SFMBT2: variants seen among roughly 807,000 people sequenced by gnomAD.
SFMBT2 encodes scm-like with four MBT domains protein 2.
SFMBT2 carries 38 observed loss-of-function variants against 110.1 expected under a neutral mutation model. The ratio of observed to expected loss-of-function variants is 0.35; its 90% CI spans 0.27 to 0.45. The LOEUF (loss-of-function observed/expected upper bound fraction) is 0.45, where lower values mean the gene tolerates loss of function less well. Among genes scored for constraint, SFMBT2 ranks in the 20% least tolerant of loss-of-function variants. The pLI is 1.00. For missense variants in SFMBT2, 1,011 were observed against 1,094.9 expected (o/e 0.92, Z 1.08); for synonymous variants, 425 against 425.4 (o/e 1.00, Z 0.01).
At chr10:7,174,372 T>C (rs1305219510) in intron 17 of SFMBT2, among the ~76,000 whole-genome samples, 4 of 152,102 alleles carry the variant, frequency 2.6e-5, no homozygotes, top group African/African-American at 9.7e-5. Context: ...GGATGAGAAC[T>C]GGTTTTAGGG....
chr10:7,284,532 T>C (rs1463825037), intron 5 of SFMBT2: 1 of 511,882 alleles, frequency 2.0e-6, no homozygotes, highest in Non-Finnish European at 2.6e-6. Context: ...CGGTCTACTT[T>C]TCCAACAGAC....
At chr10:7,391,646 A>T (rs1845769472) in intron 1 of SFMBT2, among the ~76,000 whole-genome samples, 1 of 152,200 alleles carries the variant, frequency 6.6e-6, no homozygotes, top group Admixed American at 6.5e-5. Flanking sequence ...TTCCTATAAG[A>T]GATAGACATG....
chr10:7,370,886 T>C (rs1249835541), intron 2 of SFMBT2: 1 of 741,118 alleles, frequency 1.3e-6, no homozygotes, highest in Non-Finnish European at 1.6e-6. Flanking sequence ...CTCGAGTGTG[T>C]GGGGCCACCC....
intron 1 of SFMBT2, among the ~76,000 whole-genome samples, chr10:7,402,285 C>T (rs1846102759): frequency 6.6e-6 from 1 of 152,092 alleles, no homozygotes; most frequent in African/African-American, 2.4e-5. Flanking sequence ...TGTCCCAGTG[C>T]CAAAAGCTTA....
intron 4 of SFMBT2, among the ~76,000 whole-genome samples, chr10:7,365,702 T>C (rs139091072): frequency 7.0e-4 from 106 of 152,276 alleles, no homozygotes; most frequent in African/African-American, 2.4e-3. Flanking sequence ...GAGGACACTA[T>C]GCTTAAGAGA....
At chr10:7,266,982 T>TTATACC (rs1443307440) in intron 7 of SFMBT2, among the ~76,000 whole-genome samples, 1 of 152,214 alleles carries the variant, frequency 6.6e-6, no homozygotes, top group Admixed American at 6.5e-5. Context: ...TATACCAATC[T>TTATACC]AAAACTTTTC....
At chr10:7,207,627 C>G (rs1303386158) in intron 11 of SFMBT2, 1 of 984,012 alleles carries the variant, frequency 1.0e-6, no homozygotes, top group Admixed American at 6.1e-5. Flanking sequence ...CTGAAGAATT[C>G]TGAATCACAT....
intron 1 of SFMBT2, among the ~76,000 whole-genome samples, chr10:7,394,001 A>ATT (rs199724791): frequency 6.6e-6 from 1 of 150,658 alleles, no homozygotes; most frequent in South Asian, 2.1e-4. Flanking sequence ...AAGTATTGTG[A>ATT]TTTTTTTTTT....
chr10:7,228,715 CTTTCTTTCTTTCTTTCTTTCCTTTCTCT>C (rs1467273470), intron 9 of SFMBT2, among the ~76,000 whole-genome samples: 2 of 132,630 alleles, frequency 1.5e-5, no homozygotes, highest in African/African-American at 6.1e-5. Flanking sequence ...TTCTTTCTTT[CTTTCTTTCTTTCTTTCTTTCCTTTCTCT>C]CTCTCTCTCT....
At chr10:7,320,502 G>T in intron 4 of SFMBT2, 2 of 712,512 alleles carry the variant, frequency 2.8e-6, no homozygotes, top group Non-Finnish European at 3.4e-6. Context: ...TTTTTTCCTG[G>T]AGAATCACTG....
intron 4 of SFMBT2, among the ~76,000 whole-genome samples, chr10:7,337,817 G>A (rs529788643): frequency 2.0e-5 from 3 of 152,230 alleles, no homozygotes; most frequent in East Asian, 3.9e-4. Flanking sequence ...AACTGAAGAC[G>A]AAAATGGCAG....
intron 1 of SFMBT2, among the ~76,000 whole-genome samples, chr10:7,404,204 T>C (rs764657301): frequency 6.6e-6 from 1 of 152,260 alleles, no homozygotes; most frequent in Admixed American, 6.5e-5. Flanking sequence ...GCTAAATCTC[T>C]AGACCTACAA....
chr10:7,339,484 C>T (rs1843824222), intron 4 of SFMBT2, among the ~76,000 whole-genome samples: 1 of 152,144 alleles, frequency 6.6e-6, no homozygotes, highest in Non-Finnish European at 1.5e-5. Flanking sequence ...TATAATTTGA[C>T]TTCGGAATAA....
chr10:7,407,143 A>G (rs1846239630), intron 1 of SFMBT2, among the ~76,000 whole-genome samples: 1 of 152,074 alleles, frequency 6.6e-6, no homozygotes, highest in African/African-American at 2.4e-5. Context: ...GTAGGGAAAA[A>G]GCAGGAGACC....
intron 14 of SFMBT2, 108 bp from the exon 15 acceptor site, chr10:7,197,795 G>T: frequency 6.9e-7 from 1 of 1,439,598 alleles, no homozygotes; most frequent in Non-Finnish European, 9.2e-7. Context: ...ACCACACAGA[G>T]CTGTCCGAGG....
At chr10:7,378,692 T>A (rs1459170894) in intron 2 of SFMBT2, among the ~76,000 whole-genome samples, 9 of 134,060 alleles carry the variant, frequency 6.7e-5, no homozygotes, top group East Asian at 2.3e-4. Context: ...GGGTGGATGG[T>A]CGGGTGTGTG....
chr10:7,335,692 A>G (rs1040957069), intron 4 of SFMBT2, among the ~76,000 whole-genome samples: 6 of 152,002 alleles, frequency 3.9e-5, no homozygotes, highest in Admixed American at 2.0e-4. Flanking sequence ...TCTGTTGTAT[A>G]GGATTGGTGA....
At position 7,170,984 on chromosome 10, in the gene SFMBT2, C is replaced by A; in HGVS notation, c.2488G>T (p.Val830Leu). The A allele has an allele frequency of 1.9e-6, 3 of 1,614,234 alleles. No individual in the cohort carries two copies. Among genetic ancestry groups the A allele is most frequent in the Non-Finnish European group, 2.5e-6 (3 of 1,180,042 alleles). Residue 830 changes from valine to leucine, a missense_variant, in exon 20 of 21, where the codon GTG (valine) becomes TTG (leucine). By Grantham distance (32) the Val-to-Leu change is conservative. Around this residue, in one of 2 missense-constraint regions of SFMBT2, gnomAD observed 979 missense variants for 1,016.1 expected, o/e 0.96. Coordinates refer to ENST00000397167, the MANE Select transcript of SFMBT2 (RefSeq NM_001387889.1). This position sits in a 1 kb window ranked among gnomAD's most constrained non-coding sequence, Gnocchi z 4.6. ...NPLEWTVTDV[V>L]RFIKLTDCAP... ...CAGTCTGTCAGCTTAATGAACCTCA[C>A]CACGTCGGTGACCGTCCACTCCAAC...
chr10:7,221,153 A>G (rs1432598968), intron 10 of SFMBT2, among the ~76,000 whole-genome samples: 2 of 152,050 alleles, frequency 1.3e-5, no homozygotes, highest in Admixed American at 1.3e-4. Flanking sequence ...GGATCACTGA[A>G]GTACACACCA....
Sources: gnomAD v4.1 joint callset for allele counts (sites outside exome capture counted in the v4.1 genomes callset) on GRCh38, gnomAD v4.1.1 for gene constraint, gnomAD v4.1.1 regional missense constraint, Gnocchi (gnomAD v3.1) non-coding constraint, MANE v1.5 for transcripts, NCBI Gene and HGNC (gene_info 2026-07-23, HGNC 2026-07-21) for gene names.